The following RHPN2 variants were observed in gnomAD, a reference collection of about 807,000 sequenced individuals.
RHPN2 encodes rhophilin Rho GTPase binding protein 2.
Under a neutral mutation model 79.0 loss-of-function variants are expected in RHPN2, and 40 were observed. The ratio of observed to expected loss-of-function variants is 0.51; its 90% CI spans 0.39 to 0.66. RHPN2 has a LOEUF of 0.66. Ranked by LOEUF, RHPN2 falls within the 30% of genes least tolerant of loss-of-function variation. RHPN2 has a pLI of 0.00. For missense variants in RHPN2, 686 were observed against 883.5 expected (o/e 0.78, Z 2.83); for synonymous variants, 285 against 363.5 (o/e 0.78, Z 2.46).
chr19:33,034,499 G>A (rs1050510368), intron 2 of RHPN2, among the ~76,000 whole-genome samples: 1 of 151,548 alleles, frequency 6.6e-6, no homozygotes, highest in Non-Finnish European at 1.5e-5. Context: ...CCAACTACTC[G>A]GGAGGCTGAG....
intron 1 of RHPN2, among the ~76,000 whole-genome samples, chr19:33,060,559 G>T (rs777744550): frequency 3.9e-5 from 6 of 151,936 alleles, no homozygotes; most frequent in Non-Finnish European, 7.4e-5. Context: ...GTGAGACAAG[G>T]TCTCACTCTG....
intron 14 of RHPN2, among the ~76,000 whole-genome samples, chr19:32,981,981 C>T (rs756655915): frequency 5.9e-5 from 9 of 152,198 alleles, no homozygotes; most frequent in Admixed American, 2.0e-4. Flanking sequence ...GGGCTATCAC[C>T]GGCTTCTAAG....
chr19:33,059,302 A>ATT (rs537027276), intron 1 of RHPN2, among the ~76,000 whole-genome samples: 6,041 of 136,828 alleles, frequency 0.044, 375 homozygotes, highest in African/African-American at 0.13. Flanking sequence ...TTCTTTTATC[A>ATT]TTTTTTTTTT....
At chr19:33,053,246 C>T (rs1218029448) in intron 1 of RHPN2, among the ~76,000 whole-genome samples, 1 of 151,952 alleles carries the variant, frequency 6.6e-6, no homozygotes, top group Non-Finnish European at 1.5e-5. Flanking sequence ...ACCTCAGCCT[C>T]CCAAAGTGTT....
chr19:32,985,676 G>C (rs1275409404), intron 14 of RHPN2, among the ~76,000 whole-genome samples: 1 of 152,194 alleles, frequency 6.6e-6, no homozygotes, highest in Non-Finnish European at 1.5e-5. Context: ...CTGTCACGCA[G>C]GCTGGAGTAC....
chr19:32,988,608 G>A (rs1199654615), intron 14 of RHPN2, among the ~76,000 whole-genome samples: 2 of 151,948 alleles, frequency 1.3e-5, no homozygotes, highest in Admixed American at 6.6e-5. Context: ...CACTTCCCAT[G>A]GCTCCCTTCC....
intron 2 of RHPN2, among the ~76,000 whole-genome samples, chr19:33,029,600 A>C (rs1294593965): frequency 6.6e-6 from 1 of 152,016 alleles, no homozygotes; most frequent in Non-Finnish European, 1.5e-5. Flanking sequence ...TTTACAATTG[A>C]TTTTGAACAA....
At chr19:33,045,593 C>T (rs753242910) in intron 1 of RHPN2, among the ~76,000 whole-genome samples, 15 of 151,962 alleles carry the variant, frequency 9.9e-5, no homozygotes, top group Non-Finnish European at 1.5e-5. Context: ...CCTGCCTCAG[C>T]CTCCCGAGTA....
rs1284920475 is a variant in RHPN2 at position 32,979,224 on chromosome 19, T to G, written c.*772A>C. ...TTTACTTTATAAAATGTAAAACTAC[T>G]TTTTTACCCAAGACTTAAAATATAG... On this transcript the variant is annotated 3_prime_UTR_variant, in exon 15 of 15. Coordinates refer to ENST00000254260, the MANE Select transcript of RHPN2 (RefSeq NM_033103.5). 6.6e-6 allele frequency: 1 copy of G among 152,254 alleles called. No individual in the cohort carries two copies. Among genetic ancestry groups the G allele is most frequent in the South Asian group, 2.1e-4 (1 of 4,834 alleles). The allele number at this position is 152,254 out of a possible 1,614,324, so 9.4% of individuals were successfully genotyped here. A position where few individuals can be genotyped will look rare whatever the true frequency, so the allele number is the denominator to read the frequency against.
At chr19:33,043,078 C>CAAA (rs572111653) in intron 2 of RHPN2, among the ~76,000 whole-genome samples, 14 of 135,856 alleles carry the variant, frequency 1.0e-4, no homozygotes, top group East Asian at 6.6e-4. Flanking sequence ...GACTCCGTCT[C>CAAA]AAAAAAAAAA....
At chr19:33,059,472 G>A (rs992569329) in intron 1 of RHPN2, among the ~76,000 whole-genome samples, 2 of 151,556 alleles carry the variant, frequency 1.3e-5, no homozygotes, top group Non-Finnish European at 2.9e-5. Context: ...CTCATTTTTT[G>A]TATTTTTAGT....
At chr19:33,049,786 A>C (rs1972172518) in intron 1 of RHPN2, among the ~76,000 whole-genome samples, 1 of 152,092 alleles carries the variant, frequency 6.6e-6, no homozygotes, top group African/African-American at 2.4e-5. Context: ...TGCAGCAAGG[A>C]GGCTATATGA....
At chr19:33,025,298 C>A (rs1379615736) in intron 3 of RHPN2, among the ~76,000 whole-genome samples, 1 of 133,824 alleles carries the variant, frequency 7.5e-6, no homozygotes, top group Non-Finnish European at 1.6e-5. Flanking sequence ...CATGATGAAA[C>A]CCTGTCTCTA....
intron 9 of RHPN2, among the ~76,000 whole-genome samples, chr19:33,000,066 C>A (rs1216128510): frequency 2.6e-5 from 4 of 152,026 alleles, no homozygotes; most frequent in African/African-American, 9.7e-5. Flanking sequence ...AAGACAAGGT[C>A]TTGCTACATT....
Position 32,990,429 on chromosome 19 carries a change from G to A in RHPN2, c.1800+85C>T, listed in dbSNP as rs549405347. The A allele has an allele frequency of 2.5e-5, 35 of 1,405,236 alleles. No individual in the cohort carries two copies. In the African/African-American group the frequency reaches 4.7e-4, roughly 19 times the overall value. The allele number at this position is 1,405,236 out of a possible 1,614,324, so 87.0% of individuals were successfully genotyped here. A position where few individuals can be genotyped will look rare whatever the true frequency, so the allele number is the denominator to read the frequency against. On this transcript the variant is annotated intron_variant, in intron 14 of 14. Transcript: ENST00000254260. Reference sequence around the variant, plus strand: ...CATGTTACACAGGCAGGAGACAGAGGGTCTGGTAAACACCTCTGGGGCTGA... The same window carrying A: ...CATGTTACACAGGCAGGAGACAGAGAGTCTGGTAAACACCTCTGGGGCTGA...
chr19:33,063,808 A>ACCCGCCACCCGCCGCCCGCCG (rs1555715762), intron 1 of RHPN2, among the ~76,000 whole-genome samples: 1 of 131,162 alleles, frequency 7.6e-6, no homozygotes, highest in African/African-American at 3.0e-5. Context: ...GGCACCCGCC[A>ACCCGCCACCCGCCGCCCGCCG]CCCGCCGCCC....
intron 2 of RHPN2, 66 bp from the exon 3 acceptor site, chr19:33,026,698 C>A: frequency 6.4e-7 from 1 of 1,563,338 alleles, no homozygotes; most frequent in Non-Finnish European, 8.7e-7. Context: ...GTGAGCAGAC[C>A]CAATCCCCAG....
intron 4 of RHPN2, among the ~76,000 whole-genome samples, chr19:33,019,425 C>G (rs1971905282): frequency 6.6e-6 from 1 of 151,640 alleles, no homozygotes; most frequent in Non-Finnish European, 1.5e-5. Context: ...GCTAAAAATA[C>G]ATAATTAGCC....
chr19:33,060,778 C>A (rs1034585880), intron 1 of RHPN2, among the ~76,000 whole-genome samples: 2 of 152,122 alleles, frequency 1.3e-5, no homozygotes, highest in Non-Finnish European at 2.9e-5. Context: ...GCAATCCTCC[C>A]ACCTTGGCCT....
Sources: allele counts gnomAD v4.1 joint callset (sites outside exome capture counted in the v4.1 genomes callset), GRCh38; gene constraint gnomAD v4.1.1; transcripts MANE v1.5; gene names NCBI Gene and HGNC (gene_info 2026-07-23, HGNC 2026-07-21).